Variants in STK32A observed in about 807,000 individuals in gnomAD.
The protein encoded by STK32A is serine/threonine-protein kinase 32A.
STK32A carries 41 observed loss-of-function variants against 53.2 expected under a neutral mutation model. The observed-to-expected ratio is 0.77, with a 90% confidence interval of 0.60 to 1.00. The LOEUF is 1.00. Ranked by LOEUF, STK32A falls within the 50% of genes least tolerant of loss-of-function variation. The probability of loss-of-function intolerance (pLI) is 0.00; values close to 1 mark genes in which losing one functional copy is unlikely to be tolerated. For synonymous variants in STK32A, 166 were observed against 162.8 expected (o/e 1.02, Z -0.15); for missense variants, 458 against 485.8 (o/e 0.94, Z 0.54).
chr5:147,281,151 G>A (rs1054744421), intron 4 of STK32A, among the ~76,000 whole-genome samples: 4 of 152,152 alleles, frequency 2.6e-5, no homozygotes, highest in African/African-American at 9.7e-5. Flanking sequence ...CCCTCTGAAA[G>A]AGCCTACCCA....
the STK32A span, chr5:147,395,667 G>C: frequency 1.9e-6 from 3 of 1,614,132 alleles, no homozygotes; most frequent in Non-Finnish European, 2.5e-6. Context: ...GTGGTGGTCA[G>C]GTCAAACACA....
At chr5:147,241,946 T>A (rs763653968) in intron 2 of STK32A, among the ~76,000 whole-genome samples, 1 of 152,180 alleles carries the variant, frequency 6.6e-6, no homozygotes, top group Non-Finnish European at 1.5e-5. Flanking sequence ...AATGCATAAC[T>A]CTTCCTTGAT....
intron 2 of STK32A, among the ~76,000 whole-genome samples, chr5:147,250,267 G>A (rs1753929707): frequency 6.6e-6 from 1 of 152,118 alleles, no homozygotes; most frequent in South Asian, 2.1e-4. Flanking sequence ...CCAAGTAGGA[G>A]CTGGAGTAGA....
At chr5:147,298,862 C>T (rs1023783899) in intron 4 of STK32A, among the ~76,000 whole-genome samples, 3 of 152,074 alleles carry the variant, frequency 2.0e-5, no homozygotes, top group African/African-American at 7.2e-5. Flanking sequence ...AATTCCAATC[C>T]CGCAGAGTTA....
intron 4 of STK32A, among the ~76,000 whole-genome samples, chr5:147,291,803 A>C (rs1752612320): frequency 6.6e-6 from 1 of 152,174 alleles, no homozygotes; most frequent in Non-Finnish European, 1.5e-5. Context: ...TCAGTTCACT[A>C]TTTCTACCCA....
At chr5:147,355,911 A>G (rs1416331319) in intron 7 of STK32A, among the ~76,000 whole-genome samples, 1 of 151,906 alleles carries the variant, frequency 6.6e-6, no homozygotes, top group African/African-American at 2.4e-5. Context: ...CTAAGCACAA[A>G]CACATACTGT....
intron 4 of STK32A, among the ~76,000 whole-genome samples, chr5:147,316,213 A>G (rs982000882): frequency 6.6e-6 from 1 of 152,210 alleles, no homozygotes; most frequent in African/African-American, 2.4e-5. Flanking sequence ...TCATTGAGGG[A>G]GAAGACTGAT....
At chr5:147,352,365 G>T (rs1756023958) in intron 7 of STK32A, among the ~76,000 whole-genome samples, 1 of 152,214 alleles carries the variant, frequency 6.6e-6, no homozygotes, top group South Asian at 2.1e-4. Context: ...ACCAAAAAGA[G>T]AGTGTTAGAT....
rs78782774 is a variant in STK32A at position 147,259,744 on chromosome 5, G to T, written c.53-18380G>T. 9.0e-3 allele frequency among the ~76,000 whole-genome samples: 1,359 copies of T among 151,366 alleles called. 8 individuals are homozygous for T. Among genetic ancestry groups the T allele is most frequent in the Non-Finnish European group, 0.014 (965 of 67,814 alleles). On this transcript the variant is annotated intron_variant, in intron 2 of 12. Transcript: ENST00000397936. ...CTTTCTTTCTGACTCCCTCTTTGTA[G>T]CTCTGCCTCTCTTTCTCTCTCTCTG...
chr5:147,266,183 G>T (rs956690029), intron 2 of STK32A, among the ~76,000 whole-genome samples: 2 of 152,168 alleles, frequency 1.3e-5, no homozygotes, highest in Non-Finnish European at 2.9e-5. Flanking sequence ...TTGCTACAGG[G>T]TTTTCATCCA....
chr5:147,315,596 A>ATT (rs1753954860), intron 4 of STK32A, among the ~76,000 whole-genome samples: 1 of 152,226 alleles, frequency 6.6e-6, no homozygotes, highest in Admixed American at 6.5e-5. Context: ...GTTATTATTA[A>ATT]ATGGGTATAG....
chr5:147,375,077 G>C lies in STK32A; in HGVS notation c.904-13G>C, dbSNP rs1453839551. ...CAGTAATCTGAGGATTGAGCCAACT[G>C]TCTTCCTTGCAGAAAGGCAGGCTGA... On this transcript the variant is annotated splice_polypyrimidine_tract_variant and intron_variant, in intron 10 of 12. Coordinates refer to ENST00000397936, the MANE Select transcript of STK32A (RefSeq NM_001112724.2). 6.3e-7 allele frequency: 1 copy of C among 1,595,000 alleles called. No individual in the cohort carries two copies. Among genetic ancestry groups the C allele is most frequent in the Middle Eastern group, 1.7e-4 (1 of 5,934 alleles).
chr5:147,267,828 C>T (rs1225420170), intron 2 of STK32A, among the ~76,000 whole-genome samples: 3 of 152,160 alleles, frequency 2.0e-5, no homozygotes, highest in Non-Finnish European at 4.4e-5. Flanking sequence ...ACCTCCTCTG[C>T]CTGGCTACCT....
chr5:147,391,122 G>A (rs1002154938), downstream of STK32A: 1 of 152,570 alleles, frequency 6.6e-6, no homozygotes, highest in African/African-American at 2.4e-5. Context: ...GAGAAAGCCT[G>A]GGAAGCTTGT....
intron 8 of STK32A, among the ~76,000 whole-genome samples, chr5:147,369,951 C>A (rs1326902988): frequency 6.6e-6 from 1 of 152,138 alleles, no homozygotes; most frequent in African/African-American, 2.4e-5. Flanking sequence ...AGGCTGTCCT[C>A]TAGTGTAAAG....
At chr5:147,366,326 G>A (rs964872431) in intron 8 of STK32A, among the ~76,000 whole-genome samples, 6 of 152,186 alleles carry the variant, frequency 3.9e-5, no homozygotes, top group African/African-American at 9.6e-5. Flanking sequence ...ATCACTCTGC[G>A]TAAGATTTGA....
chr5:147,275,896 T>C (rs942276614), intron 2 of STK32A, among the ~76,000 whole-genome samples: 3 of 152,136 alleles, frequency 2.0e-5, no homozygotes, highest in Non-Finnish European at 4.4e-5. Flanking sequence ...GTTAAAATGG[T>C]ATATGAAAGG....
intron 5 of STK32A, among the ~76,000 whole-genome samples, chr5:147,326,675 T>C (rs896592523): frequency 2.6e-5 from 4 of 152,196 alleles, no homozygotes; most frequent in African/African-American, 9.7e-5. Flanking sequence ...AATATTCAAA[T>C]ATAGGACATT....
At chr5:147,382,318 T>C (rs1757484326) in intron 11 of STK32A, among the ~76,000 whole-genome samples, 2 of 152,172 alleles carry the variant, frequency 1.3e-5, no homozygotes, top group Admixed American at 6.5e-5. Context: ...AATACTTTAG[T>C]TTTGTTTGCA....
Sources: gnomAD v4.1 joint callset for allele counts (sites outside exome capture counted in the v4.1 genomes callset) on GRCh38, gnomAD v4.1.1 for gene constraint, MANE v1.5 for transcripts, NCBI Gene and HGNC (gene_info 2026-07-23, HGNC 2026-07-21) for gene names.